The following KIAA0825 variants were observed in gnomAD, a reference collection of about 807,000 sequenced individuals.
The protein encoded by KIAA0825 is KIAA0825, also known as uncharacterized protein KIAA0825.
Under a neutral mutation model 147.6 loss-of-function variants are expected in KIAA0825, and 119 were observed. The observed-to-expected ratio is 0.81, with a 90% CI of 0.69 to 0.94. KIAA0825 has a LOEUF of 0.94. Among genes scored for constraint, KIAA0825 ranks in the 40% least tolerant of loss-of-function variants. The probability of loss-of-function intolerance (pLI) is 0.00; values close to 1 mark genes in which losing one functional copy is unlikely to be tolerated. For synonymous variants in KIAA0825, 470 were observed against 518.1 expected, an observed-to-expected ratio of 0.91 and a Z score of 1.26; for missense variants, 1,381 against 1,472.7, an observed-to-expected ratio of 0.94 and a Z score of 1.02.
chr5:94,435,372 G>T (rs1756218184), intron 14 of KIAA0825, among the ~76,000 whole-genome samples: 1 of 146,134 alleles, frequency 6.8e-6, no homozygotes, highest in Non-Finnish European at 1.5e-5. Flanking sequence ...ATTTATAAGT[G>T]AGAACATGTG....
intron 3 of KIAA0825, among the ~76,000 whole-genome samples, chr5:94,535,765 G>C (rs1771882249): frequency 6.6e-6 from 1 of 152,124 alleles, no homozygotes; most frequent in African/African-American, 2.4e-5. Context: ...ACTATCTCCT[G>C]TCATAAAGAT....
At chr5:94,182,182 T>C (rs565901298) in intron 20 of KIAA0825, among the ~76,000 whole-genome samples, 37 of 149,072 alleles carry the variant, frequency 2.5e-4, no homozygotes, top group African/African-American at 9.1e-4. Context: ...CAGCTGTTCA[T>C]ACCAAGGAAG....
intron 1 of KIAA0825, among the ~76,000 whole-genome samples, chr5:94,616,752 G>T (rs1285228570): frequency 2.0e-5 from 3 of 152,152 alleles, no homozygotes; most frequent in African/African-American, 7.2e-5. Flanking sequence ...AGGCACTAAA[G>T]AAACTGCATT....
At chr5:94,390,116 G>A (rs308208) in intron 18 of KIAA0825, among the ~76,000 whole-genome samples, 73,793 of 151,976 alleles carry the variant, frequency 0.49, 18,413 homozygotes, top group Middle Eastern at 0.55. Flanking sequence ...GAGTATAACC[G>A]GATAACTGAT....
At chr5:94,415,966 C>T (rs925653746) in intron 15 of KIAA0825, 5 of 152,170 alleles carry the variant, frequency 3.3e-5, no homozygotes, top group Non-Finnish European at 5.9e-5. Context: ...AAATCCAGCT[C>T]TTACTTCCCC....
intron 20 of KIAA0825, among the ~76,000 whole-genome samples, chr5:94,304,283 T>A (rs903978677): frequency 2.0e-5 from 3 of 152,056 alleles, no homozygotes; most frequent in African/African-American, 7.2e-5. Context: ...CCTGCCTCCC[T>A]GTGGCATAAG....
chr5:94,343,385 A>G (rs557967850), intron 20 of KIAA0825, among the ~76,000 whole-genome samples: 1 of 152,280 alleles, frequency 6.6e-6, no homozygotes, highest in African/African-American at 2.4e-5. Context: ...TTTACCAAAG[A>G]CATCATTAAG....
chr5:94,484,281 T>C (rs1762797055), intron 6 of KIAA0825, among the ~76,000 whole-genome samples: 1 of 151,824 alleles, frequency 6.6e-6, no homozygotes, highest in Non-Finnish European at 1.5e-5. Flanking sequence ...CTCACAACCC[T>C]ATATAACATT....
chr5:94,331,949 G>C (rs1781310468), intron 20 of KIAA0825, among the ~76,000 whole-genome samples: 1 of 151,850 alleles, frequency 6.6e-6, no homozygotes, highest in Admixed American at 6.6e-5. Context: ...ATCACCTGAG[G>C]TCAGGAGTTC....
rs77937445 is a variant in KIAA0825 at position 94,330,810 on chromosome 5, G to A, written c.3710+53558C>T. On this transcript the variant is annotated intron_variant, in intron 20 of 20. Transcript: ENST00000682413. ...ACTTTCTTCCCTTCCCCTCAAAAGAGAGAGAGAAGACACAACTTACTACTA... is the reference window on the plus strand; with the variant it reads ...ACTTTCTTCCCTTCCCCTCAAAAGAAAGAGAGAAGACACAACTTACTACTA... Among the ~76,000 whole-genome samples the A allele has an allele frequency of 9.3e-3, 1,410 of 152,144 alleles. 22 individuals carry two copies. The highest frequency in any genetic ancestry group is 0.032 in the African/African-American group (1,343 of 41,490).
At chr5:94,611,519 TG>T (rs932580863) in intron 1 of KIAA0825, among the ~76,000 whole-genome samples, 6 of 151,628 alleles carry the variant, frequency 4.0e-5, no homozygotes, top group African/African-American at 1.5e-4. Flanking sequence ...AAAAAGGTGG[TG>T]GGGGCTGGGG....
chr5:94,311,571 C>T (rs1007958479), intron 20 of KIAA0825, among the ~76,000 whole-genome samples: 5 of 151,504 alleles, frequency 3.3e-5, no homozygotes, highest in Admixed American at 2.6e-4. Flanking sequence ...ACTTAAAAAG[C>T]TTTTTAGAAA....
chr5:94,503,088 GAT>G (rs1008313946), intron 5 of KIAA0825, among the ~76,000 whole-genome samples: 10 of 142,456 alleles, frequency 7.0e-5, no homozygotes, highest in Admixed American at 7.7e-5. Flanking sequence ...ATATATATAT[GAT>G]ATATATATAT....
intron 3 of KIAA0825, among the ~76,000 whole-genome samples, chr5:94,529,271 GTATGTATCATA>G (rs1770100954): frequency 3.9e-5 from 5 of 128,496 alleles, no homozygotes; most frequent in African/African-American, 1.3e-4. Flanking sequence ...TCATATATAT[GTATGTATCATA>G]TATATGTATA....
chr5:94,358,132 T>C (rs1320603340), intron 20 of KIAA0825, among the ~76,000 whole-genome samples: 1 of 152,224 alleles, frequency 6.6e-6, no homozygotes, highest in Admixed American at 6.5e-5. Flanking sequence ...CATTTTAAAG[T>C]CTTGTTTCAA....
Position 94,477,154 on chromosome 5 carries a change from T to C in KIAA0825, c.1184A>G (p.Asn395Ser). 6.4e-7 allele frequency: 1 copy of C among 1,550,690 alleles called. No individual in the cohort carries two copies. Among genetic ancestry groups the C allele is most frequent in the Non-Finnish European group, 8.7e-7 (1 of 1,146,722 alleles). The change falls in exon 7 of 21, where the codon AAC (asparagine) becomes AGC (serine). Residue 395 changes from asparagine (N) to serine (S), a missense_variant. Coordinates refer to ENST00000682413, the MANE Select transcript of KIAA0825 (RefSeq NM_001145678.3). ...TTGCTCGGAAGGAATATTGGTTTCG[T>C]TTGCTCTAGGTTTTTCCATTACAAC... ...REVVMEKPRA[N>S]ETNIPSEQSL...
At chr5:94,170,230 C>T (rs749425218) in intron 20 of KIAA0825, among the ~76,000 whole-genome samples, 2 of 152,046 alleles carry the variant, frequency 1.3e-5, no homozygotes, top group African/African-American at 4.8e-5. Context: ...ACCCAGGAGA[C>T]AGAGCTTGCA....
intron 3 of KIAA0825, among the ~76,000 whole-genome samples, chr5:94,524,511 C>T (rs1011158667): frequency 1.3e-5 from 2 of 151,464 alleles, no homozygotes; most frequent in Admixed American, 6.6e-5. Context: ...TTTCAATCAA[C>T]GGAATAGTAA....
intron 20 of KIAA0825, among the ~76,000 whole-genome samples, chr5:94,251,009 C>T (rs1235226065): frequency 1.3e-5 from 2 of 152,100 alleles, no homozygotes; most frequent in Admixed American, 6.6e-5. Context: ...TGCAATGGGG[C>T]ACCACAACCT....
Sources: gnomAD v4.1 joint callset for allele counts (sites outside exome capture counted in the v4.1 genomes callset) on GRCh38, gnomAD v4.1.1 for gene constraint, MANE v1.5 for transcripts, NCBI Gene and HGNC (gene_info 2026-07-23, HGNC 2026-07-21) for gene names.